The following PANK2 variants were observed in gnomAD, a reference collection of about 807,000 sequenced individuals.
PANK2 encodes the protein pantothenate kinase 2, also known as pantothenate kinase 2, mitochondrial.
Under a neutral mutation model 43.1 loss-of-function variants are expected in PANK2, and 36 were observed. The ratio of observed to expected loss-of-function variants is 0.84; its 90% CI spans 0.64 to 1.10. The LOEUF is 1.10. PANK2 is among the 50% of genes least tolerant of loss of function. PANK2 has a pLI of 0.00. For synonymous variants in PANK2, 281 were observed against 238.2 expected, an observed-to-expected ratio of 1.18 and a Z score of -1.66; for missense variants, 576 against 593.3, an observed-to-expected ratio of 0.97 and a Z score of 0.30.
chr20:3,907,845 T>G, intron 1 of PANK2, 81 bp from the exon 2 acceptor site: 1 of 1,223,800 alleles, frequency 8.2e-7, no homozygotes, highest in Non-Finnish European at 1.2e-6. Flanking sequence ...CCCTAGCGTT[T>G]GAAATAAGTT....
chr20:3,889,747 G>C lies in PANK2; in HGVS notation c.298+19G>C. 1 of 1,591,238 alleles carries C rather than the reference G, an allele frequency of 6.3e-7. No homozygotes were observed. Among genetic ancestry groups the C allele is most frequent in the Non-Finnish European group, 8.5e-7 (1 of 1,177,156 alleles). On this transcript the variant is annotated intron_variant, in intron 1 of 6. Coordinates refer to ENST00000610179, the MANE Select transcript of PANK2 (RefSeq NM_001386393.1). Reference sequence around the variant, plus strand: ...CGGCCGCGTAAGTGTTCCGTGGGGCGCCCTCCCGGCCCGCCCTGCCCCCCC... The same window carrying C: ...CGGCCGCGTAAGTGTTCCGTGGGGCCCCCTCCCGGCCCGCCCTGCCCCCCC...
In PANK2 at chr20:3,910,846, A is replaced by G; in HGVS notation, c.905+16A>G. ...CAGGTACTAGGTAAGTTGTATATAA[A>G]ACTCACTGTTTATTCTTAGTATCCT... On this transcript the variant is annotated intron_variant, in intron 3 of 6. Coordinates refer to ENST00000610179, the MANE Select transcript of PANK2 (RefSeq NM_001386393.1). The G allele has an allele frequency of 6.2e-7, 1 of 1,613,940 alleles. No individual in the cohort carries two copies. Among genetic ancestry groups the G allele is most frequent in the Non-Finnish European group, 8.5e-7 (1 of 1,179,880 alleles).
intron 1 of PANK2, among the ~76,000 whole-genome samples, chr20:3,902,390 G>A (rs1224099676): frequency 1.3e-5 from 2 of 151,552 alleles, no homozygotes; most frequent in Admixed American, 1.3e-4. Flanking sequence ...AGTACAGTGG[G>A]ACAATCTTGG....
rs1490022239 is a variant in PANK2 at position 3,927,121 on chromosome 20, C to A, written c.*3827C>A. 2.0e-5 allele frequency among the ~76,000 whole-genome samples: 3 copies of A among 152,046 alleles called. No individual in the cohort carries two copies. The highest frequency in any genetic ancestry group is 7.2e-5 in the African/African-American group (3 of 41,390). ...TCTGGCTGTGGTGGCCTGACACACTCTTCACCACTGACCCCACCCCCGCTT... is the reference window on the plus strand; with the variant it reads ...TCTGGCTGTGGTGGCCTGACACACTATTCACCACTGACCCCACCCCCGCTT... On this transcript the variant is annotated 3_prime_UTR_variant, in exon 7 of 7. Transcript: ENST00000610179.
chr20:3,911,890 C>CAA (rs35317201), intron 3 of PANK2, among the ~76,000 whole-genome samples: 8 of 140,656 alleles, frequency 5.7e-5, no homozygotes, highest in Admixed American at 1.4e-4. Flanking sequence ...AACTCCATCT[C>CAA]AAAAAAAAAA....
In PANK2 at chr20:3,918,703, C is replaced by T; in HGVS notation, c.1239C>T (p.Phe413=). ...ACCAGGTGGTATTTGTTGGAAATTT[C>T]TTGAGAATTAATACGATCGCCATGC... Residue 413 remains phenylalanine, a synonymous_variant, in exon 6 of 7, where the codon TTC becomes TTT. Coordinates refer to ENST00000610179, the MANE Select transcript of PANK2 (RefSeq NM_001386393.1). The T allele has an allele frequency of 6.2e-7, 1 of 1,614,176 alleles. No homozygotes were observed. The highest frequency in any genetic ancestry group is 8.5e-7 in the Non-Finnish European group (1 of 1,180,038).
rs1411746827 is a variant in PANK2, at chr20:3,906,997, A to T, written c.299-929A>T. Among the ~76,000 whole-genome samples the T allele has an allele frequency of 3.3e-5, 5 of 150,914 alleles. No individual in the cohort carries two copies. The East Asian group carries it at 9.7e-4, about 29-fold the overall frequency. On this transcript the variant is annotated intron_variant, in intron 1 of 6. Transcript: ENST00000610179. ...TATTTTTAGTAGAGATAGTTTCACC[A>T]TGTTGGCCAGGATGATCTTGGTCTC...
rs1386738711 is a variant in PANK2, at chr20:3,907,820, T to TA, written c.299-105dup. On this transcript the variant is annotated intron_variant, in intron 1 of 6. Coordinates refer to ENST00000610179, the MANE Select transcript of PANK2 (RefSeq NM_001386393.1). ...GCCCCAAAACCCTTTTGCCTAGAAT[T>TA]ATGTTCTTTGGAAACCCTAGCGTTT... is the stretch of plus-strand genomic sequence containing the variant. The TA allele has an allele frequency of 4.4e-5, 43 of 984,498 alleles. No individual in the cohort carries two copies. In the East Asian group the frequency reaches 1.1e-3, roughly 24 times the overall value. 61.0% of individuals were successfully genotyped at this position (984,498 alleles called of 1,614,324 possible). A position where few individuals can be genotyped will look rare whatever the true frequency, so the allele number is the denominator to read the frequency against.
At chr20:3,919,023 CAGTCTCTTA>C (rs2090607335) in intron 6 of PANK2, among the ~76,000 whole-genome samples, 1 of 152,190 alleles carries the variant, frequency 6.6e-6, no homozygotes, top group Non-Finnish European at 1.5e-5. Context: ...CCTCCCACCT[CAGTCTCTTA>C]AGTAGCTGGG....
intron 2 of PANK2, 67 bp from the exon 3 acceptor site, chr20:3,910,510 T>A: frequency 6.4e-7 from 1 of 1,572,402 alleles, no homozygotes; most frequent in East Asian, 2.2e-5. Context: ...GGGGATGCCT[T>A]ATTGAATGGA....
chr20:3,895,218 G>A (rs2090185538), intron 1 of PANK2, among the ~76,000 whole-genome samples: 2 of 152,104 alleles, frequency 1.3e-5, no homozygotes, highest in African/African-American at 4.8e-5. Flanking sequence ...AAGTTGCAGT[G>A]AGCCGAGATT....
At chr20:3,913,792 T>TATATA (rs1568577269) in intron 4 of PANK2, among the ~76,000 whole-genome samples, 212 of 111,870 alleles carry the variant, frequency 1.9e-3, no homozygotes, top group African/African-American at 4.8e-3. Context: ...ATATATATAT[T>TATATA]TTTTTTTTTT....
At chr20:3,908,537 AC>A (rs2090423086) in intron 2 of PANK2, among the ~76,000 whole-genome samples, 2 of 152,192 alleles carry the variant, frequency 1.3e-5, no homozygotes, top group South Asian at 4.1e-4. Context: ...CATCTGCTAT[AC>A]GTTGAGGAAG....
At chr20:3,907,099 C>CT (rs71195867) in intron 1 of PANK2, among the ~76,000 whole-genome samples, 14,140 of 80,036 alleles carry the variant, frequency 0.18, 2,364 homozygotes, top group African/African-American at 0.25. Context: ...CCAGCCCTGC[C>CT]TTTTTTTTTT....
At chr20:3,916,180 G>A (rs1461179328) in intron 4 of PANK2, among the ~76,000 whole-genome samples, 3 of 152,112 alleles carry the variant, frequency 2.0e-5, no homozygotes, top group Non-Finnish European at 2.9e-5. Context: ...AGATATATCC[G>A]TAAGTGTTTT....
At position 3,903,301 on chromosome 20, in the gene PANK2, C is replaced by T. The variant is rs1222014286; in HGVS notation, c.299-4625C>T. On this transcript the variant is annotated intron_variant, in intron 1 of 6. Coordinates refer to ENST00000610179, the MANE Select transcript of PANK2 (RefSeq NM_001386393.1). ...TAGCTGGGATTACAGGCATGCACTG[C>T]CACACCGGGCTAATTTTTGTATTTT... is the stretch of plus-strand genomic sequence containing the variant. Among the ~76,000 whole-genome samples, 8 of 151,778 alleles carry T rather than the reference C, an allele frequency of 5.3e-5. No homozygotes were observed. In the East Asian group the frequency reaches 1.5e-3, roughly 29 times the overall value.
chr20:3,921,706 T>G (rs1186021604), intron 6 of PANK2: 1 of 152,108 alleles, frequency 6.6e-6, no homozygotes, highest in Non-Finnish European at 1.5e-5. Context: ...ATGGTCAATA[T>G]GCCTTTCTTT....
At chr20:3,902,090 C>A (rs1001087772) in intron 1 of PANK2, among the ~76,000 whole-genome samples, 4 of 151,814 alleles carry the variant, frequency 2.6e-5, no homozygotes, top group South Asian at 2.1e-4. Flanking sequence ...TTGGTGTCTT[C>A]CCTTTCCCCA....
rs2090732572 is a variant in PANK2 at position 3,927,118 on chromosome 20, A to G, written c.*3824A>G. On this transcript the variant is annotated 3_prime_UTR_variant, in exon 7 of 7. Coordinates refer to ENST00000610179, the MANE Select transcript of PANK2 (RefSeq NM_001386393.1). ...TTCTCTGGCTGTGGTGGCCTGACAC[A>G]CTCTTCACCACTGACCCCACCCCCG... 6.6e-6 allele frequency among the ~76,000 whole-genome samples: 1 copy of G among 151,606 alleles called. No individual in the cohort carries two copies. The highest frequency in any genetic ancestry group is 6.6e-5 in the Admixed American group (1 of 15,206).
Sources: gnomAD v4.1 joint callset for allele counts (sites outside exome capture counted in the v4.1 genomes callset) on GRCh38, gnomAD v4.1.1 for gene constraint, MANE v1.5 for transcripts, NCBI Gene and HGNC (gene_info 2026-07-23, HGNC 2026-07-21) for gene names.